Variants in NRXN3 observed in about 807,000 individuals in gnomAD.
The protein encoded by NRXN3 is neurexin 3.
NRXN3 carries 32 observed loss-of-function variants against 137.6 expected under a neutral mutation model. The ratio of observed to expected loss-of-function variants is 0.23; its 90% CI spans 0.18 to 0.31. The LOEUF (loss-of-function observed/expected upper bound fraction) is 0.31, where lower values mean the gene tolerates loss of function less well. NRXN3 is among the 10% of genes least tolerant of loss of function. The probability of loss-of-function intolerance (pLI) is 1.00; values close to 1 mark genes in which losing one functional copy is unlikely to be tolerated. For missense variants in NRXN3, 1,574 were observed against 2,062.5 expected, an observed-to-expected ratio of 0.76 and a Z score of 4.59; for synonymous variants, 798 against 784.5, an observed-to-expected ratio of 1.02 and a Z score of -0.29.
intron 4 of NRXN3, among the ~76,000 whole-genome samples, chr14:78,516,498 T>C (rs770463259): frequency 2.9e-4 from 44 of 151,002 alleles, no homozygotes; most frequent in Non-Finnish European, 4.1e-4. Context: ...ACTCAGGAAA[T>C]CTGAGATGGC....
At position 78,415,728 on chromosome 14, in the gene NRXN3, T is replaced by G. The variant is rs567874352; in HGVS notation, c.757+117868T>G. On this transcript the variant is annotated intron_variant, in intron 4 of 20. Transcript: ENST00000335750. ...TGATGGTGTTTGGAGGTAGGACATC[T>G]GGGGGTCATTAGAGTTTGATGAAGT... is the stretch of plus-strand genomic sequence containing the variant. Among the ~76,000 whole-genome samples the G allele has an allele frequency of 8.1e-4, 124 of 152,222 alleles. 3 individuals are homozygous for G. The South Asian group carries it at 0.024, about 30-fold the overall frequency.
chr14:79,243,450 T>C (rs961229333), intron 15 of NRXN3, among the ~76,000 whole-genome samples: 1 of 152,172 alleles, frequency 6.6e-6, no homozygotes, highest in African/African-American at 2.4e-5. Context: ...TACTATGTGT[T>C]GAACTGGATG....
intron 19 of NRXN3, among the ~76,000 whole-genome samples, chr14:79,747,627 G>T (rs1319040201): frequency 2.0e-5 from 3 of 152,112 alleles, no homozygotes; most frequent in Non-Finnish European, 2.9e-5. Context: ...TCAGCCAATT[G>T]ATGTGTCAAA....
At chr14:79,706,469 G>C (rs2098779959) in intron 19 of NRXN3, among the ~76,000 whole-genome samples, 1 of 146,282 alleles carries the variant, frequency 6.8e-6, no homozygotes, top group South Asian at 2.2e-4. Context: ...TTGTAGGGTG[G>C]TGCCTGCATA....
At chr14:78,706,243 A>C (rs2098347440) in intron 6 of NRXN3, among the ~76,000 whole-genome samples, 1 of 152,238 alleles carries the variant, frequency 6.6e-6, no homozygotes, top group Non-Finnish European at 1.5e-5. Context: ...TATGACAAAG[A>C]GTTCTCACAT....
At chr14:79,605,714 T>C (rs982269233) in intron 16 of NRXN3, among the ~76,000 whole-genome samples, 1 of 152,238 alleles carries the variant, frequency 6.6e-6, no homozygotes, top group Non-Finnish European at 1.5e-5. Flanking sequence ...GCTCTTGAAC[T>C]CCTGACCTCA....
chr14:78,251,290 T>C (rs2068588357), intron 2 of NRXN3, among the ~76,000 whole-genome samples: 1 of 152,212 alleles, frequency 6.6e-6, no homozygotes. Context: ...AAACAATCTT[T>C]CTCTGTTTCT....
chr14:79,059,891 G>A (rs2099672046), intron 15 of NRXN3, among the ~76,000 whole-genome samples: 1 of 152,196 alleles, frequency 6.6e-6, no homozygotes. Context: ...TCTCGAATCA[G>A]ACAGCACTTC....
In NRXN3 at chr14:78,985,606, CA is replaced by C. The variant is rs145567475; in HGVS notation, c.3143-2414del. On this transcript the variant is annotated intron_variant, in intron 14 of 20. Transcript: ENST00000335750. ...ATGGAAAAGGCTTCGTCTTTAGATTCAATCAACATTCAAAGAATTATTGTGT... is the reference window on the plus strand; with the variant it reads ...ATGGAAAAGGCTTCGTCTTTAGATTCATCAACATTCAAAGAATTATTGTGT... Among the ~76,000 whole-genome samples the C allele has an allele frequency of 8.9e-4, 136 of 152,286 alleles. 1 individual carries two copies. The highest frequency in any genetic ancestry group is 3.2e-3 in the African/African-American group (132 of 41,568).
intron 15 of NRXN3, among the ~76,000 whole-genome samples, chr14:79,048,366 A>C (rs2099636180): frequency 6.6e-6 from 1 of 152,156 alleles, no homozygotes; most frequent in African/African-American, 2.4e-5. Flanking sequence ...AAACTCATCC[A>C]GTTGTATATA....
intron 15 of NRXN3, among the ~76,000 whole-genome samples, chr14:79,460,432 T>C (rs2096317763): frequency 6.6e-6 from 1 of 152,152 alleles, no homozygotes; most frequent in Non-Finnish European, 1.5e-5. Flanking sequence ...TAGAATGTTA[T>C]TTGTTTTATA....
At chr14:79,794,842 A>T (rs771748156) in intron 19 of NRXN3, among the ~76,000 whole-genome samples, 1 of 152,222 alleles carries the variant, frequency 6.6e-6, no homozygotes, top group Non-Finnish European at 1.5e-5. Context: ...CATCAGGAAC[A>T]CTATATGAGG....
chr14:78,762,920 G>A (rs1009733515), intron 8 of NRXN3, among the ~76,000 whole-genome samples: 2 of 152,160 alleles, frequency 1.3e-5, no homozygotes, highest in Admixed American at 1.3e-4. Context: ...TAGTCTTGAG[G>A]CATGTGGAGG....
intron 16 of NRXN3, among the ~76,000 whole-genome samples, chr14:79,517,098 C>CCCT (rs1555499635): frequency 4.0e-5 from 6 of 148,832 alleles, no homozygotes; most frequent in African/African-American, 1.0e-4. Context: ...TACAGCCCCC[C>CCCT]CCCCCTCAAC....
In NRXN3 at chr14:79,804,893, C is replaced by T. The variant is rs530278939; in HGVS notation, c.4015-219C>T. ...AACCATCTTGGGTCACTCAGCTCTACGGAAGACCCCCCTAAGACGGTCTAG... is the reference window on the plus strand; with the variant it reads ...AACCATCTTGGGTCACTCAGCTCTATGGAAGACCCCCCTAAGACGGTCTAG... On this transcript the variant is annotated intron_variant, in intron 19 of 20. Coordinates refer to ENST00000335750, the MANE Select transcript of NRXN3 (RefSeq NM_001330195.2). Among the ~76,000 whole-genome samples the T allele has an allele frequency of 4.4e-4, 67 of 152,242 alleles. No homozygotes were observed. The South Asian group carries it at 6.6e-3, about 15-fold the overall frequency.
chr14:78,607,124 A>G (rs2097259818), intron 4 of NRXN3, among the ~76,000 whole-genome samples: 1 of 151,694 alleles, frequency 6.6e-6, no homozygotes, highest in Admixed American at 6.6e-5. Context: ...AGAGGTGTAG[A>G]GAAAGAGCTC....
intron 15 of NRXN3, among the ~76,000 whole-genome samples, chr14:79,022,557 T>G (rs1419551771): frequency 6.6e-6 from 1 of 152,186 alleles, no homozygotes; most frequent in Non-Finnish European, 1.5e-5. Context: ...TCATAACTTT[T>G]GTAGCACTTC....
intron 4 of NRXN3, chr14:78,300,660 T>A: frequency 2.0e-6 from 3 of 1,529,238 alleles, no homozygotes; most frequent in Non-Finnish European, 2.6e-6. Flanking sequence ...CTCTACTTAA[T>A]TGGACCTTCA....
intron 16 of NRXN3, among the ~76,000 whole-genome samples, chr14:79,575,937 A>AT (rs1004077239): frequency 6.6e-5 from 10 of 152,126 alleles, no homozygotes; most frequent in Non-Finnish European, 1.3e-4. Context: ...AAGTTATGCT[A>AT]TTTTTTTAAG....
Sources: gnomAD v4.1 joint callset for allele counts (sites outside exome capture counted in the v4.1 genomes callset) on GRCh38, gnomAD v4.1.1 for gene constraint, MANE v1.5 for transcripts, NCBI Gene and HGNC (gene_info 2026-07-23, HGNC 2026-07-21) for gene names.